The following TTN variants were observed in gnomAD, a reference collection of about 807,000 sequenced individuals.
TTN encodes connectin.
Under a neutral mutation model 3,223.0 loss-of-function variants are expected in TTN, and 1,525 were observed. The observed-to-expected ratio is 0.47, with a 90% CI of 0.45 to 0.49. TTN has a LOEUF of 0.49. Among genes scored for constraint, TTN ranks in the 20% least tolerant of loss-of-function variants. The pLI, the probability that TTN is intolerant of heterozygous loss-of-function variation, is 0.00. For synonymous variants in TTN, 14,094 were observed against 15,161.0 expected (o/e 0.93, Z 5.17); for missense variants, 40,786 against 43,424.0 (o/e 0.94, Z 5.40).
At position 178,598,843 on chromosome 2, in the gene TTN, C is replaced by A. The variant is rs764791747; in HGVS notation, c.56867G>T (p.Gly18956Val). The change falls in exon 291 of 363, where the codon GGT (glycine) becomes GTT (valine). Residue 18956 changes from glycine to valine, a missense_variant. Transcript: ENST00000589042. The part of the protein sequence containing the change: ...VSYKVTGLIE[G>V]SDYQFRVYAI... ...ATATACCCGGAATTGATAGTCGGAA[C>A]CTTCAATAAGACCAGTCACTTTATA... The A allele has an allele frequency of 6.2e-7, 1 of 1,613,164 alleles. No individual in the cohort carries two copies. The highest frequency in any genetic ancestry group is 8.5e-7 in the Non-Finnish European group (1 of 1,179,500).
At position 178,735,651 on chromosome 2, in the gene TTN, T is replaced by C; in HGVS notation, c.14795A>G (p.Lys4932Arg). 1 of 1,613,824 alleles carries C rather than the reference T, an allele frequency of 6.2e-7. No individual in the cohort carries two copies. Among genetic ancestry groups the C allele is most frequent in the Non-Finnish European group, 8.5e-7 (1 of 1,179,812 alleles). Residue 4932 changes from lysine to arginine, a missense_variant, in exon 50 of 363, where the codon AAA (lysine) becomes AGA (arginine). Transcript: ENST00000589042. Reference protein sequence around the residue: ...SKDGQKLPPGKDYKICFEDKI... With the variant: ...SKDGQKLPPGRDYKICFEDKI... ...ATCTTCAAAACAGATCTTATAATCTTTCCCTGGGGGGAGTTTTTGCCCATC... is the reference window on the plus strand; with the variant it reads ...ATCTTCAAAACAGATCTTATAATCTCTCCCTGGGGGGAGTTTTTGCCCATC...
chr2:178,685,285 G>T lies in TTN; in HGVS notation c.32438C>A (p.Pro10813His). The change falls in exon 129 of 363, where the codon CCT (proline) becomes CAT (histidine). Residue 10813 changes from proline (P) to histidine (H), a missense_variant. By Grantham distance (77) the Pro-to-His change is moderately conservative. Transcript: ENST00000589042. ...EKKIVLKPKI[P>H]AKIEEPPPAK... is the part of the protein sequence containing the mutation. ...CGGTGGAGGCTCCTCTATTTTAGCA[G>T]GAATTTTTGGTTTCAGTACAATTTT... 6.4e-7 allele frequency: 1 copy of T among 1,552,558 alleles called. No homozygotes were observed. The highest frequency in any genetic ancestry group is 8.7e-7 in the Non-Finnish European group (1 of 1,147,718).
chr2:178,618,258 C>A lies in TTN; in HGVS notation c.47200G>T (p.Ala15734Ser), dbSNP rs749729941. The change falls in exon 252 of 363, where the codon GCA (alanine) becomes TCA (serine). Residue 15734 changes from alanine (A) to serine (S), a missense_variant. Physicochemically the swap from Ala to Ser is moderately conservative, Grantham distance 99 (BLOSUM62 1). Transcript: ENST00000589042. ...GGVEYLFRVS[A>S]RNRVGTGEPV... ...TCACCAGTGCCAACTCTGTTTCTTG[C>A]ACTCACACGGAATAGGTACTCAACT... The A allele has an allele frequency of 6.2e-7, 1 of 1,612,702 alleles. No individual in the cohort carries two copies. The highest frequency in any genetic ancestry group is 1.7e-5 in the Admixed American group (1 of 59,916).
At chr2:178,678,532 G>T (rs1452062595) in intron 143 of TTN, 35 bp from the exon 144 acceptor site, 1 of 1,478,626 alleles carries the variant, frequency 6.8e-7, no homozygotes, top group East Asian at 2.5e-5. Context: ...AATTTTATAC[G>T]ACATAAAAAT....
Position 178,721,893 on chromosome 2 carries a change from G to C in TTN, c.22770C>G (p.Thr7590=). Residue 7590 remains threonine, a synonymous_variant, in exon 78 of 363, where the codon ACC becomes ACG. Coordinates refer to ENST00000589042, the MANE Select transcript of TTN (RefSeq NM_001267550.2). ...AGCACATGTCTTTGCCAACATCATT[G>C]GTTGCTTGGCAAGTATATTGACCAG... ...GDSGQYTCQA[T]NDVGKDMCSA... 1 of 1,613,082 alleles carries C rather than the reference G, an allele frequency of 6.2e-7. No individual in the cohort carries two copies. Among genetic ancestry groups the C allele is most frequent in the South Asian group, 1.1e-5 (1 of 90,928 alleles).
chr2:178,568,502 CCAA>C lies in TTN; in HGVS notation c.77627_77629del (p.Val25876del). ...AATTTCGATGGATGCTGTCTTCTGA[CCAA>C]CAACATTGGCAACTGTGATTCCATA... On this transcript the variant is annotated inframe_deletion, in exon 326 of 363. Coordinates refer to ENST00000589042, the MANE Select transcript of TTN (RefSeq NM_001267550.2). The C allele has an allele frequency of 6.2e-7, 1 of 1,613,394 alleles. No individual in the cohort carries two copies.
At chr2:178,588,484 C>T in intron 304 of TTN, 54 bp downstream of exon 304, 1 of 1,470,370 alleles carries the variant, frequency 6.8e-7, no homozygotes, top group Admixed American at 2.4e-5. Context: ...TCGAATACTT[C>T]TGTGCTTGAG....
intron 47 of TTN, chr2:178,748,384 G>A: frequency 1.9e-6 from 3 of 1,613,116 alleles, no homozygotes; most frequent in East Asian, 4.5e-5. Context: ...TTTCTTGACT[G>A]GCAAATACAT....
Position 178,757,162 on chromosome 2 carries a change from A to AAGTAATACTGTACTTGCTTTAAGTAC in TTN, c.10679-366_10679-365insGTACTTAAAGCAAGTACAGTATTACT, listed in dbSNP as rs1561092992. On this transcript the variant is annotated intron_variant, in intron 45 of 362. Coordinates refer to ENST00000589042, the MANE Select transcript of TTN (RefSeq NM_001267550.2). Reference sequence around the variant, plus strand: ...GTCCACTGTATGCTTTAAGTACAGTAAGTAATACTGTACTTACTTTAAGTA... The same window carrying AAGTAATACTGTACTTGCTTTAAGTAC: ...GTCCACTGTATGCTTTAAGTACAGTAAGTAATACTGTACTTGCTTTAAGTACAGTAATACTGTACTTACTTTAAGTA... 4.8e-3 allele frequency among the ~76,000 whole-genome samples: 720 copies of AAGTAATACTGTACTTGCTTTAAGTAC among 151,238 alleles called. 40 individuals are homozygous for AAGTAATACTGTACTTGCTTTAAGTAC. The highest frequency in any genetic ancestry group is 0.017 in the African/African-American group (675 of 40,884).
rs1163729764 is a variant in TTN at position 178,539,750 on chromosome 2, G to A, written c.98315C>T (p.Thr32772Ile). 1.9e-6 allele frequency: 3 copies of A among 1,613,774 alleles called. No homozygotes were observed. Among genetic ancestry groups the A allele is most frequent in the Admixed American group, 3.3e-5 (2 of 59,994 alleles). ...TTTATTTTCCAGAACCAGGTCATAA[G>A]TGCCAGAATCACCCCTGTCTGCTTC... ...IKEADRGDSG[T>I]YDLVLENKCG... Residue 32772 changes from threonine to isoleucine, a missense_variant, in exon 352 of 363, where the codon ACT (threonine) becomes ATT (isoleucine). Physicochemically the swap from Thr to Ile is moderately conservative, Grantham distance 89. Coordinates refer to ENST00000589042, the MANE Select transcript of TTN (RefSeq NM_001267550.2).
rs745315690 is a variant in TTN, at chr2:178,565,827, C to T, written c.80305G>A (p.Val26769Met). 1.2e-6 allele frequency: 2 copies of T among 1,613,548 alleles called. No homozygotes were observed. Among genetic ancestry groups the T allele is most frequent in the East Asian group, 2.2e-5 (1 of 44,874 alleles). Reference protein sequence around the residue: ...AENEFGVGVPVETVDAVKAAE... With the variant: ...AENEFGVGVPMETVDAVKAAE... Reference sequence around the variant, plus strand: ...GCTTTCACGGCATCAACAGTTTCCACTGGAACACCAACTCCAAATTCATTT... The same window carrying T: ...GCTTTCACGGCATCAACAGTTTCCATTGGAACACCAACTCCAAATTCATTT... The change falls in exon 326 of 363, where the codon GTG becomes ATG. Residue 26769 changes from valine (V) to methionine (M), a missense_variant. By Grantham distance (21) the Val-to-Met change is conservative. Coordinates refer to ENST00000589042, the MANE Select transcript of TTN (RefSeq NM_001267550.2).
rs1286606791 is a variant in TTN, at chr2:178,568,874, G to T, written c.77258C>A (p.Ser25753Tyr). The T allele has an allele frequency of 2.5e-6, 4 of 1,613,074 alleles. No individual in the cohort carries two copies. The highest frequency in any genetic ancestry group is 3.4e-6 in the Non-Finnish European group (4 of 1,179,552). The change falls in exon 326 of 363, where the codon TCT (serine) becomes TAT (tyrosine). Residue 25753 changes from serine to tyrosine, a missense_variant. Ser to Tyr is a moderately radical substitution (Grantham distance 144, BLOSUM62 -2). Transcript: ENST00000589042. The stretch of plus-strand genomic sequence containing the variant: ...TAGGTTGGTAATTACTGCCTGAAGA[G>T]ACTTTACTCGAGCACACTCTGACCA... ...EKWSECARVK[S>Y]LQAVITNLTQ...
Position 178,673,709 on chromosome 2 carries a change from C to A in TTN, c.34710G>T (p.Val11570=). 1 of 1,585,588 alleles carries A rather than the reference C, an allele frequency of 6.3e-7. No homozygotes were observed. The highest frequency in any genetic ancestry group is 8.5e-7 in the Non-Finnish European group (1 of 1,169,914). Residue 11570 remains valine, a splice_region_variant and synonymous_variant, in exon 152 of 363, where the codon GTG becomes GTT. Coordinates refer to ENST00000589042, the MANE Select transcript of TTN (RefSeq NM_001267550.2). ...GTACTGCTTTCTTAATCACTTCAGG[C>A]ACTTAAAAGAAATTTTATGAACATT... is the stretch of plus-strand genomic sequence containing the variant. ...EEVEEVAPPR[V]PEVIKKAVPE...
intron 288 of TTN, 33 bp from the exon 289 acceptor site, chr2:178,599,883 C>CA (rs2052822725): frequency 4.0e-6 from 6 of 1,518,422 alleles, no homozygotes; most frequent in Non-Finnish European, 5.3e-6. Context: ...TCATTAGGAG[C>CA]AAAAAGCATT....
rs1012805351 is a variant in TTN at position 178,705,250 on chromosome 2, C to A, written c.29528G>T (p.Gly9843Val). 6.2e-7 allele frequency: 1 copy of A among 1,613,688 alleles called. No homozygotes were observed. The highest frequency in any genetic ancestry group is 8.5e-7 in the Non-Finnish European group (1 of 1,179,734). Residue 9843 changes from glycine (G) to valine (V), a missense_variant, in exon 103 of 363, where the codon GGA becomes GTA. Physicochemically the swap from Gly to Val is moderately radical, Grantham distance 109 (BLOSUM62 -3). Transcript: ENST00000589042. ...KEYEKYARMY[G>V]ITDFRGLLQA... ...AAGAAGACCTCGGAAGTCAGTGATT[C>A]CATACATGCGGGCATATTTTTCATA...
intron 165 of TTN, 76 bp from the exon 166 acceptor site, chr2:178,665,002 A>ATGTGGT: frequency 6.8e-7 from 1 of 1,463,822 alleles, no homozygotes; most frequent in South Asian, 1.2e-5. Flanking sequence ...AAGTTAGGAA[A>ATGTGGT]TATAACCACA....
At chr2:178,631,353 C>T (rs2059776077) in intron 236 of TTN, 53 bp from the exon 237 acceptor site, 13 of 1,523,528 alleles carry the variant, frequency 8.5e-6, no homozygotes, top group South Asian at 5.0e-5. Context: ...AGGGAAATGA[C>T]AATCTCTTGG....
In TTN at chr2:178,773,704, A is replaced by G. The variant is rs2091856215; in HGVS notation, c.7352T>C (p.Leu2451Pro). 6.2e-7 allele frequency: 1 copy of G among 1,613,948 alleles called. No homozygotes were observed. Among genetic ancestry groups the G allele is most frequent in the Non-Finnish European group, 8.5e-7 (1 of 1,179,984 alleles). ...GCCTTCAATCACATTAACATCTTTT[A>G]GAGGTGTTATCACGTCCACACCTGC... ...SVYSVDVITP[L>P]KDVNVIEGTK... Residue 2451 changes from leucine to proline, a missense_variant, in exon 32 of 363, where the codon CTA becomes CCA. Coordinates refer to ENST00000589042, the MANE Select transcript of TTN (RefSeq NM_001267550.2).
chr2:178,713,412 A>ACAAAAC (rs79799565), intron 92 of TTN, 40 bp from the exon 93 acceptor site: 17 of 1,456,588 alleles, frequency 1.2e-5, no homozygotes, highest in Admixed American at 5.6e-5. Flanking sequence ...ACAAAACAAA[A>ACAAAAC]AAAACAAAGG....
Sources: gnomAD v4.1 joint callset for allele counts (sites outside exome capture counted in the v4.1 genomes callset) on GRCh38, gnomAD v4.1.1 for gene constraint, MANE v1.5 for transcripts, NCBI Gene and HGNC (gene_info 2026-07-23, HGNC 2026-07-21) for gene names.